TBC1D1: variants seen among roughly 807,000 people sequenced by gnomAD.
TBC1D1 encodes the protein TBC1 domain family member 1.
A neutral mutation model predicts 125.6 loss-of-function variants in TBC1D1; 89 were observed. That is an observed-to-expected ratio of 0.71 (90% CI 0.60 to 0.85). TBC1D1 has a LOEUF of 0.85. Among genes scored for constraint, TBC1D1 ranks in the 40% least tolerant of loss-of-function variants. The pLI is 0.00. For missense variants in TBC1D1, 1,377 were observed against 1,469.2 expected (o/e 0.94, Z 1.03); for synonymous variants, 565 against 564.1 (o/e 1.00, Z -0.02).
At chr4:38,046,673 A>C (rs567045124) in intron 10 of TBC1D1, among the ~76,000 whole-genome samples, 22 of 152,180 alleles carry the variant, frequency 1.4e-4, no homozygotes, top group Non-Finnish European at 2.9e-4. Flanking sequence ...AATTTCTGAA[A>C]CTTTATCCTG....
At position 38,137,633 on chromosome 4, in the gene TBC1D1, T is replaced by C. The variant is rs886779367; in HGVS notation, c.*298T>C. On this transcript the variant is annotated 3_prime_UTR_variant, in exon 20 of 20. Transcript: ENST00000261439. Reference sequence around the variant, plus strand: ...AACTTATGTTTTCTTGTTGGTTCCTTTTTGAGTGTCACTGTGTTTGTAAAG... The same window carrying C: ...AACTTATGTTTTCTTGTTGGTTCCTCTTTGAGTGTCACTGTGTTTGTAAAG... 6 of 323,184 alleles carry C rather than the reference T, an allele frequency of 1.9e-5. No homozygotes were observed. The highest frequency in any genetic ancestry group is 3.4e-5 in the Non-Finnish European group (6 of 179,096). The allele number at this position is 323,184 out of a possible 1,614,324, so 20.0% of individuals were successfully genotyped here. A position where few individuals can be genotyped will look rare whatever the true frequency, so the allele number is the denominator to read the frequency against.
chr4:38,120,944 G>A (rs1396801703), intron 17 of TBC1D1, among the ~76,000 whole-genome samples: 1 of 152,168 alleles, frequency 6.6e-6, no homozygotes, highest in Non-Finnish European at 1.5e-5. Context: ...AGATGAGGGA[G>A]GAGGAGGAGT....
At chr4:37,936,441 C>T (rs1344208717) in intron 2 of TBC1D1, among the ~76,000 whole-genome samples, 1 of 152,278 alleles carries the variant, frequency 6.6e-6, no homozygotes, top group South Asian at 2.1e-4. Context: ...TGTTGCTGCA[C>T]TGGAATCTGT....
In TBC1D1 at chr4:38,054,235, T is replaced by C. The variant is rs1281267628; in HGVS notation, c.1947T>C (p.Ser649=). ...CCAAAGCAAACCATCTTGGTGATTC[T>C]GGTGGGACTCCTGTGAAGACCCGGA... The change falls in exon 12 of 20, where the codon TCT becomes TCC. Residue 649 remains serine, a synonymous_variant. Coordinates refer to ENST00000261439, the MANE Select transcript of TBC1D1 (RefSeq NM_015173.4). The C allele has an allele frequency of 6.2e-7, 1 of 1,614,248 alleles. No homozygotes were observed. Among genetic ancestry groups the C allele is most frequent in the Admixed American group, 1.7e-5 (1 of 60,034 alleles).
At chr4:37,960,955 G>A in intron 2 of TBC1D1, 1 of 1,614,092 alleles carries the variant, frequency 6.2e-7, no homozygotes, top group Non-Finnish European at 8.5e-7. Flanking sequence ...TCTCCACCAT[G>A]GGAATGCAAT....
chr4:38,064,264 T>C (rs1353414257), intron 12 of TBC1D1, among the ~76,000 whole-genome samples: 1 of 152,252 alleles, frequency 6.6e-6, no homozygotes, highest in African/African-American at 2.4e-5. Flanking sequence ...TTTGCACTTT[T>C]GGCTGTTACG....
At chr4:37,976,237 C>T (rs995561555) in intron 2 of TBC1D1, among the ~76,000 whole-genome samples, 54 of 152,202 alleles carry the variant, frequency 3.5e-4, no homozygotes, top group African/African-American at 1.3e-3. Context: ...ACGGGCAACA[C>T]CTATGTGAAT....
At chr4:37,954,327 T>G (rs1292183607) in intron 2 of TBC1D1, among the ~76,000 whole-genome samples, 1 of 152,152 alleles carries the variant, frequency 6.6e-6, no homozygotes, top group Non-Finnish European at 1.5e-5. Context: ...TGTTGACTTT[T>G]AGATGACTCA....
chr4:38,010,740 C>A (rs1460210201), intron 2 of TBC1D1, among the ~76,000 whole-genome samples: 1 of 152,172 alleles, frequency 6.6e-6, no homozygotes, highest in Non-Finnish European at 1.5e-5. Context: ...ATCTTTCATT[C>A]AGCCTTTCTC....
intron 2 of TBC1D1, among the ~76,000 whole-genome samples, chr4:37,932,458 A>G (rs1322594913): frequency 1.3e-5 from 2 of 152,236 alleles, no homozygotes; most frequent in Non-Finnish European, 2.9e-5. Context: ...GGAAAAAGAC[A>G]CTAGAAAATT....
intron 2 of TBC1D1, among the ~76,000 whole-genome samples, chr4:37,946,572 A>G (rs1021898839): frequency 6.6e-6 from 1 of 152,194 alleles, no homozygotes; most frequent in Non-Finnish European, 1.5e-5. Flanking sequence ...TTCATGTTCC[A>G]AAGAGAAGCT....
chr4:37,992,221 G>A (rs1266355976), intron 2 of TBC1D1, among the ~76,000 whole-genome samples: 1 of 152,176 alleles, frequency 6.6e-6, no homozygotes, highest in Admixed American at 6.5e-5. Flanking sequence ...GCCAGAGGCG[G>A]CAGAGGAGAG....
At chr4:37,952,199 C>T (rs1324529450) in intron 2 of TBC1D1, 27 of 648,878 alleles carry the variant, frequency 4.2e-5, no homozygotes, top group South Asian at 3.6e-5. Flanking sequence ...TGACTTCACA[C>T]GCGCTTGGAA....
At chr4:37,893,767 A>C (rs1237976494) in intron 1 of TBC1D1, among the ~76,000 whole-genome samples, 2 of 152,174 alleles carry the variant, frequency 1.3e-5, no homozygotes. Flanking sequence ...CGGAGGTTGC[A>C]GTGAAACATG....
chr4:37,972,481 CAAAAA>C (rs74577993), intron 2 of TBC1D1, among the ~76,000 whole-genome samples: 2 of 98,072 alleles, frequency 2.0e-5, no homozygotes, highest in East Asian at 2.8e-4. Context: ...AACGCCGTTT[CAAAAA>C]AAAAAAAAAA....
In TBC1D1 at chr4:38,118,149, G is replaced by C; in HGVS notation, c.2919G>C (p.Met973Ile). 6.2e-7 allele frequency: 1 copy of C among 1,614,208 alleles called. No homozygotes were observed. The highest frequency in any genetic ancestry group is 8.5e-7 in the Non-Finnish European group (1 of 1,180,032). The change falls in exon 17 of 20, where the codon ATG becomes ATC. Residue 973 changes from methionine (M) to isoleucine (I), a missense_variant. By Grantham distance (10) the Met-to-Ile change is conservative. Around this residue, in one of 3 missense-constraint regions of TBC1D1, gnomAD observed 543 missense variants for 613.5 expected, o/e 0.89. Coordinates refer to ENST00000261439, the MANE Select transcript of TBC1D1 (RefSeq NM_015173.4). The stretch of plus-strand genomic sequence containing the variant: ...ACGCTGCCCCCTGGTTCCTCACCAT[G>C]TTTGCCTCACAGTTCCCGCTGGGAT...
Position 38,027,830 on chromosome 4 carries a change from T to C in TBC1D1, c.1253T>C (p.Leu418Pro), listed in dbSNP as rs1188031160. ...ACAAAACTAGAACTGCAAAAGCACC[T>C]GACGACATTAACCAATCAGGAGCAG... Residue 418 changes from leucine to proline, a missense_variant, in exon 7 of 20, where the codon CTG (leucine) becomes CCG (proline). Around this residue, in one of 3 missense-constraint regions of TBC1D1, gnomAD observed 822 missense variants for 824.6 expected, o/e 1.00. Transcript: ENST00000261439. The C allele has an allele frequency of 1.9e-6, 3 of 1,613,672 alleles. No homozygotes were observed. The highest frequency in any genetic ancestry group is 2.5e-6 in the Non-Finnish European group (3 of 1,179,870).
At chr4:38,002,913 T>C (rs1227299229) in intron 2 of TBC1D1, among the ~76,000 whole-genome samples, 1 of 152,182 alleles carries the variant, frequency 6.6e-6, no homozygotes, top group African/African-American at 2.4e-5. Flanking sequence ...CAGACCAGTT[T>C]AAGAAAGCAG....
rs1252570429 is a variant in TBC1D1, at chr4:38,137,265, T to A, written c.3437T>A (p.Leu1146Gln). The change falls in exon 20 of 20, where the codon CTG (leucine) becomes CAG (glutamine). Residue 1146 changes from leucine to glutamine, a missense_variant. Leu to Gln is a moderately radical substitution (Grantham distance 113). Transcript: ENST00000261439. ...GCCCTGCTGCAGACGGTGGAGGAGC[T>A]GCGGCGGCGGAGCGCAGAGCCCAGC... The A allele has an allele frequency of 6.2e-7, 1 of 1,611,802 alleles. No homozygotes were observed. The highest frequency in any genetic ancestry group is 8.5e-7 in the Non-Finnish European group (1 of 1,179,968).
Sources: gnomAD v4.1 joint callset for allele counts (sites outside exome capture counted in the v4.1 genomes callset) on GRCh38, gnomAD v4.1.1 for gene constraint, gnomAD v4.1.1 regional missense constraint, MANE v1.5 for transcripts, NCBI Gene and HGNC (gene_info 2026-07-23, HGNC 2026-07-21) for gene names.